Variants in LHFPL7 observed in about 807,000 individuals in gnomAD.
LHFPL7 encodes the protein LHFPL tetraspan subfamily member 7.
the LHFPL7 span, chr22:24,935,135 A>G: frequency 6.2e-6 from 4 of 649,022 alleles, no homozygotes; most frequent in Non-Finnish European, 7.7e-6. Flanking sequence ...GAGCATCTCC[A>G]GTGAATTCTC....
the LHFPL7 span, among the ~76,000 whole-genome samples, chr22:24,937,599 A>C: frequency 6.6e-6 from 1 of 152,260 alleles, no homozygotes. Context: ...CAGTGACAGC[A>C]GTGAGACCTG....
chr22:24,938,835 T>A, the LHFPL7 span, among the ~76,000 whole-genome samples: 8 of 152,216 alleles, frequency 5.3e-5, no homozygotes, highest in African/African-American at 1.9e-4. Context: ...TTTTTAAACC[T>A]AGCAGTGTTT....
At chr22:24,935,691 T>G in the LHFPL7 span, 5 of 1,453,652 alleles carry the variant, frequency 3.4e-6, no homozygotes, top group African/African-American at 2.8e-5. Context: ...CACCCATCCA[T>G]CTATCCACCC....
chr22:24,940,578 A>C, the LHFPL7 span, among the ~76,000 whole-genome samples: 15 of 151,028 alleles, frequency 9.9e-5, no homozygotes, highest in Non-Finnish European at 2.1e-4. Flanking sequence ...CCTGGGCGAC[A>C]GAGCGAGACT....
At chr22:24,939,427 G>C in the LHFPL7 span, 1 of 703,114 alleles carries the variant, frequency 1.4e-6, no homozygotes, top group Middle Eastern at 2.3e-4. Flanking sequence ...CAGTAGGTGA[G>C]GATGCCAAAG....
At chr22:24,944,329 G>T in the LHFPL7 span, among the ~76,000 whole-genome samples, 1 of 152,120 alleles carries the variant, frequency 6.6e-6, no homozygotes, top group African/African-American at 2.4e-5. Context: ...GAGGGAGATA[G>T]CAAGTGATTG....
At chr22:24,944,555 C>T in the LHFPL7 span, among the ~76,000 whole-genome samples, 2 of 151,964 alleles carry the variant, frequency 1.3e-5, no homozygotes, top group African/African-American at 4.8e-5. Flanking sequence ...TAGGAAAGAG[C>T]GGTGCGCCTT....
chr22:24,935,764 C>G, the LHFPL7 span, among the ~76,000 whole-genome samples: 1 of 152,050 alleles, frequency 6.6e-6, no homozygotes, highest in Non-Finnish European at 1.5e-5. Context: ...ACTCATTCAA[C>G]TACGCTTCCA....
At chr22:24,938,123 A>T in the LHFPL7 span, 1 of 1,609,832 alleles carries the variant, frequency 6.2e-7, no homozygotes, top group Middle Eastern at 1.7e-4. Context: ...TAGAGCACTG[A>T]CTATGTGCCT....
the LHFPL7 span, among the ~76,000 whole-genome samples, chr22:24,939,149 T>A: frequency 6.6e-6 from 1 of 152,198 alleles, no homozygotes; most frequent in Admixed American, 6.5e-5. Flanking sequence ...CACAGGTGTT[T>A]CTGAAGGGCT....
chr22:24,935,900 G>A, the LHFPL7 span, among the ~76,000 whole-genome samples: 2 of 151,318 alleles, frequency 1.3e-5, no homozygotes, highest in Admixed American at 6.6e-5. Flanking sequence ...CCACCTGCCT[G>A]CCACCCATCC....
chr22:24,943,754 G>T, the LHFPL7 span, among the ~76,000 whole-genome samples: 1 of 152,188 alleles, frequency 6.6e-6, no homozygotes, highest in Non-Finnish European at 1.5e-5. Flanking sequence ...GCTGCCCAAG[G>T]TTAGGGCATG....
the LHFPL7 span, chr22:24,935,187 TCCAGAAG>T: frequency 3.8e-6 from 4 of 1,064,094 alleles, no homozygotes; most frequent in Non-Finnish European, 5.3e-6. Context: ...ACTTTCATTT[TCCAGAAG>T]AAAAAACTGT....
the LHFPL7 span, among the ~76,000 whole-genome samples, chr22:24,944,878 C>G: frequency 6.6e-6 from 1 of 151,900 alleles, no homozygotes; most frequent in African/African-American, 2.4e-5. Context: ...GGCGCGATCT[C>G]GGCTCACCCC....
At chr22:24,938,148 C>T in the LHFPL7 span, 5 of 1,613,752 alleles carry the variant, frequency 3.1e-6, no homozygotes, top group South Asian at 3.3e-5. Context: ...ATTGGATTTA[C>T]CTGCCACTGC....
the LHFPL7 span, chr22:24,935,194 G>A: frequency 8.6e-7 from 1 of 1,169,142 alleles, no homozygotes; most frequent in Non-Finnish European, 1.2e-6. Flanking sequence ...TTTTCCAGAA[G>A]AAAAAACTGT....
chr22:24,937,728 C>T, the LHFPL7 span, among the ~76,000 whole-genome samples: 1 of 152,198 alleles, frequency 6.6e-6, no homozygotes, highest in Non-Finnish European at 1.5e-5. Flanking sequence ...AAAAGTGACC[C>T]TTCTCAAGAG....
chr22:24,941,908 G>C, the LHFPL7 span, among the ~76,000 whole-genome samples: 1 of 151,306 alleles, frequency 6.6e-6, no homozygotes, highest in African/African-American at 2.4e-5. Flanking sequence ...CTCGTGATCC[G>C]CACGCCTCGG....
At chr22:24,941,602 GTTTT>G in the LHFPL7 span, among the ~76,000 whole-genome samples, 3 of 96,568 alleles carry the variant, frequency 3.1e-5, no homozygotes, top group Admixed American at 1.1e-4. Context: ...GCGTATATTT[GTTTT>G]TTTTTTTTTT....
Sources: gnomAD v4.1 joint callset for allele counts (sites outside exome capture counted in the v4.1 genomes callset) on GRCh38, gnomAD v4.1.1 for gene constraint, MANE v1.5 for transcripts, NCBI Gene and HGNC (gene_info 2026-07-23, HGNC 2026-07-21) for gene names.